CCDC186: variants seen among roughly 807,000 people sequenced by gnomAD.
CCDC186 encodes coiled-coil domain containing 186.
CCDC186 carries 49 observed loss-of-function variants against 113.7 expected under a neutral mutation model. The observed-to-expected ratio is 0.43, with a 90% confidence interval of 0.34 to 0.55. The LOEUF is 0.55. Ranked by LOEUF, CCDC186 falls within the 20% of genes least tolerant of loss-of-function variation. The pLI, the probability that CCDC186 is intolerant of heterozygous loss-of-function variation, is 0.02. For missense variants in CCDC186, 890 were observed against 1,011.1 expected (o/e 0.88, Z 1.62); for synonymous variants, 355 against 345.8 (o/e 1.03, Z -0.30).
intron 2 of CCDC186, among the ~76,000 whole-genome samples, chr10:114,160,434 G>A (rs1174798860): frequency 1.3e-5 from 2 of 152,180 alleles, no homozygotes; most frequent in African/African-American, 4.8e-5. Context: ...TATAAAATGA[G>A]TAAGTTCTGG....
chr10:114,135,763 T>C (rs1324067762), intron 9 of CCDC186, 128 bp downstream of exon 9: 6 of 728,680 alleles, frequency 8.2e-6, no homozygotes, highest in Non-Finnish European at 1.3e-5. Context: ...TCCTCTACTC[T>C]ACTGAGTTCC....
chr10:114,154,625 A>C (rs1385823849), intron 3 of CCDC186, among the ~76,000 whole-genome samples: 1 of 152,224 alleles, frequency 6.6e-6, no homozygotes, highest in Non-Finnish European at 1.5e-5. Flanking sequence ...AAATTCTTTA[A>C]AACAATTAAA....
chr10:114,150,208 C>T (rs1026635341), intron 4 of CCDC186, among the ~76,000 whole-genome samples: 5 of 152,122 alleles, frequency 3.3e-5, no homozygotes, highest in African/African-American at 9.7e-5. Flanking sequence ...ATTGTGAAGA[C>T]TAATTGTTAG....
At chr10:114,173,164 AC>A in intron 1 of CCDC186, 1 of 455,664 alleles carries the variant, frequency 2.2e-6, no homozygotes, top group Non-Finnish European at 4.4e-6. Flanking sequence ...GCGTATTTTT[AC>A]TATATTCTCT....
At chr10:114,125,856 G>A (rs761366153) in intron 15 of CCDC186, 30 bp downstream of exon 15, 87 of 1,579,756 alleles carry the variant, frequency 5.5e-5, no homozygotes, top group Non-Finnish European at 6.4e-5. Flanking sequence ...CATGTTTACT[G>A]GTTGGTGTGT....
chr10:114,144,151 C>T (rs1444457856), intron 6 of CCDC186, among the ~76,000 whole-genome samples: 2 of 151,922 alleles, frequency 1.3e-5, no homozygotes, highest in Non-Finnish European at 1.5e-5. Context: ...CATTCTCCCC[C>T]GTCCAATTTC....
intron 10 of CCDC186, among the ~76,000 whole-genome samples, chr10:114,133,537 GAAC>G (rs2031160256): frequency 6.6e-6 from 1 of 152,130 alleles, no homozygotes; most frequent in Admixed American, 6.5e-5. Context: ...AATAAAATTA[GAAC>G]AAGAGGGCAT....
rs113393037 is a variant in CCDC186, at chr10:114,138,319, C to A, written c.1222-1029G>T. ...TTTTTTTTTTTTTTTTTGGAGACAG[C>A]GTCTCATTCTGTCACTCAGGCTTGA... On this transcript the variant is annotated intron_variant, in intron 6 of 15. Transcript: ENST00000369287. Among the ~76,000 whole-genome samples the A allele has an allele frequency of 6.6e-3, 840 of 126,756 alleles. 24 individuals carry two copies. Among genetic ancestry groups the A allele is most frequent in the African/African-American group, 0.023 (775 of 33,464 alleles). 83.2% of individuals were successfully genotyped at this position (126,756 alleles called of 152,430 possible).
In CCDC186 at chr10:114,162,823, A is replaced by C; in HGVS notation, c.446T>G (p.Phe149Cys). 1 of 1,613,714 alleles carries C rather than the reference A, an allele frequency of 6.2e-7. No individual in the cohort carries two copies. The highest frequency in any genetic ancestry group is 8.5e-7 in the Non-Finnish European group (1 of 1,179,878). ...TGAAACGCTCTTTATTTTTGAAATA[A>C]ATTTCTTGGTGCAGTCTGTATCATA... ...SPYDTDCTKK[F>C]ISKIKSVSAS... The change falls in exon 2 of 16, where the codon TTT (phenylalanine) becomes TGT (cysteine). Residue 149 changes from phenylalanine to cysteine, a missense_variant. Phe to Cys is a radical substitution (Grantham distance 205). Coordinates refer to ENST00000369287, the MANE Select transcript of CCDC186 (RefSeq NM_018017.4).
chr10:114,160,274 A>C (rs2032132616), intron 2 of CCDC186, among the ~76,000 whole-genome samples: 1 of 152,090 alleles, frequency 6.6e-6, no homozygotes, highest in Non-Finnish European at 1.5e-5. Flanking sequence ...CACCTCAAAA[A>C]AAAAAAAAAA....
At chr10:114,139,538 A>G (rs1242699783) in intron 6 of CCDC186, among the ~76,000 whole-genome samples, 42 of 150,892 alleles carry the variant, frequency 2.8e-4, no homozygotes, top group Admixed American at 4.6e-4. Flanking sequence ...ACTCCAGCCT[A>G]GGCAACAGAG....
chr10:114,124,087 G>T lies in CCDC186; in HGVS notation c.*1056C>A, dbSNP rs1220063309. The T allele has an allele frequency of 1.3e-5, 2 of 152,320 alleles. No individual in the cohort carries two copies. Among genetic ancestry groups the T allele is most frequent in the Admixed American group, 6.5e-5 (1 of 15,276 alleles). 9.4% of individuals were successfully genotyped at this position (152,320 alleles called of 1,614,324 possible). On this transcript the variant is annotated 3_prime_UTR_variant, in exon 16 of 16. Coordinates refer to ENST00000369287, the MANE Select transcript of CCDC186 (RefSeq NM_018017.4). ...GCTGGTCTTAAACTCCTGGCCTCAGGTAATCCTCCTGCCTTGGCTTCCCAA... is the reference window on the plus strand; with the variant it reads ...GCTGGTCTTAAACTCCTGGCCTCAGTTAATCCTCCTGCCTTGGCTTCCCAA...
chr10:114,143,409 G>C (rs926251053), intron 6 of CCDC186, among the ~76,000 whole-genome samples: 1 of 152,174 alleles, frequency 6.6e-6, no homozygotes. Flanking sequence ...AATCATTACT[G>C]TTTTTATGAA....
chr10:114,172,550 A>G (rs558937202), intron 1 of CCDC186, among the ~76,000 whole-genome samples: 1 of 152,372 alleles, frequency 6.6e-6, no homozygotes, highest in East Asian at 1.9e-4. Context: ...TCCACTGTTT[A>G]AAGAAACCTT....
chr10:114,125,544 T>G (rs2030871083), intron 15 of CCDC186, among the ~76,000 whole-genome samples: 1 of 152,094 alleles, frequency 6.6e-6, no homozygotes, highest in African/African-American at 2.4e-5. Flanking sequence ...AATAAAATAT[T>G]AACTGCAAAA....
chr10:114,147,000 T>A (rs1323368859), intron 4 of CCDC186, among the ~76,000 whole-genome samples: 1 of 152,238 alleles, frequency 6.6e-6, no homozygotes, highest in African/African-American at 2.4e-5. Flanking sequence ...TCATACTAAT[T>A]TTCAAATTAA....
intron 4 of CCDC186, among the ~76,000 whole-genome samples, chr10:114,149,979 A>T (rs2031797530): frequency 6.6e-6 from 1 of 152,158 alleles, no homozygotes; most frequent in African/African-American, 2.4e-5. Context: ...TTCAATTGGT[A>T]CAAAAGGGTT....
At chr10:114,163,527 T>G (rs1312829808) in intron 1 of CCDC186, among the ~76,000 whole-genome samples, 198 bp from the exon 2 acceptor site, 3 of 152,174 alleles carry the variant, frequency 2.0e-5, no homozygotes, top group Non-Finnish European at 4.4e-5. Flanking sequence ...GTAGGGCCAC[T>G]GCAAAGTCTG....
chr10:114,139,932 T>C (rs1314845862), intron 6 of CCDC186, among the ~76,000 whole-genome samples: 1 of 152,174 alleles, frequency 6.6e-6, no homozygotes, highest in Non-Finnish European at 1.5e-5. Flanking sequence ...CAAATAAATA[T>C]TTATTAAATA....
Sources: allele counts gnomAD v4.1 joint callset (sites outside exome capture counted in the v4.1 genomes callset), GRCh38; gene constraint gnomAD v4.1.1; transcripts MANE v1.5; gene names NCBI Gene and HGNC (gene_info 2026-07-23, HGNC 2026-07-21).